The following PTPRG variants were observed in gnomAD, a reference collection of about 807,000 sequenced individuals.
The protein encoded by PTPRG is protein tyrosine phosphatase receptor type G.
A neutral mutation model predicts 165.3 loss-of-function variants in PTPRG; 102 were observed. The ratio of observed to expected loss-of-function variants is 0.62; its 90% confidence interval spans 0.53 to 0.73. The LOEUF (loss-of-function observed/expected upper bound fraction) is 0.73. Ranked by LOEUF, PTPRG falls within the 30% of genes least tolerant of loss-of-function variation. PTPRG has a pLI of 0.00. For missense variants in PTPRG, 1,866 were observed against 1,861.4 expected, an observed-to-expected ratio of 1.00 and a Z score of -0.05; for synonymous variants, 675 against 669.5, an observed-to-expected ratio of 1.01 and a Z score of -0.13.
intron 2 of PTPRG, among the ~76,000 whole-genome samples, chr3:61,891,102 G>A (rs1430863591): frequency 6.6e-6 from 1 of 151,912 alleles, no homozygotes; most frequent in Non-Finnish European, 1.5e-5. Context: ...GGTGGATCAC[G>A]AGGTCAAGAG....
At chr3:62,036,370 C>G (rs1699935716) in intron 4 of PTPRG, among the ~76,000 whole-genome samples, 1 of 152,166 alleles carries the variant, frequency 6.6e-6, no homozygotes, top group Non-Finnish European at 1.5e-5. Flanking sequence ...AAATGCATTC[C>G]TCTTTTTCTT....
intron 6 of PTPRG, among the ~76,000 whole-genome samples, chr3:62,151,393 A>G (rs1704331395): frequency 6.6e-6 from 1 of 152,222 alleles, no homozygotes; most frequent in Non-Finnish European, 1.5e-5. Flanking sequence ...CTTAAAAATG[A>G]AAGAAAGCGT....
intron 7 of PTPRG, among the ~76,000 whole-genome samples, chr3:62,160,129 C>A (rs1434580696): frequency 6.6e-6 from 1 of 152,224 alleles, no homozygotes; most frequent in Non-Finnish European, 1.5e-5. Flanking sequence ...TCTCTCTTTT[C>A]TTCCCTGTCA....
At chr3:62,144,294 TACTC>T (rs1203541617) in intron 6 of PTPRG, among the ~76,000 whole-genome samples, 4 of 152,330 alleles carry the variant, frequency 2.6e-5, no homozygotes, top group Non-Finnish European at 4.4e-5. Context: ...GCAATGTAAA[TACTC>T]ACTCAGGTCA....
At chr3:61,880,439 G>A (rs553261955) in intron 2 of PTPRG, among the ~76,000 whole-genome samples, 2 of 152,102 alleles carry the variant, frequency 1.3e-5, no homozygotes, top group Non-Finnish European at 2.9e-5. Flanking sequence ...GGCCAACAGG[G>A]TGAAACCCCA....
At chr3:61,841,728 G>T (rs181121674) in intron 2 of PTPRG, among the ~76,000 whole-genome samples, 144 of 152,266 alleles carry the variant, frequency 9.5e-4, no homozygotes, top group African/African-American at 3.4e-3. Context: ...GTACTACTGT[G>T]GAATAGTAAA....
At chr3:61,613,033 T>C (rs1701215881) in intron 1 of PTPRG, among the ~76,000 whole-genome samples, 1 of 152,122 alleles carries the variant, frequency 6.6e-6, no homozygotes. Context: ...AAGCCACCAA[T>C]AGCGCAGCAG....
intron 1 of PTPRG, among the ~76,000 whole-genome samples, chr3:61,718,294 G>C (rs531580596): frequency 1.3e-4 from 20 of 149,168 alleles, no homozygotes; most frequent in Non-Finnish European, 2.2e-4. Flanking sequence ...TTAGATCATT[G>C]ACATTGCTTT....
chr3:61,731,982 A>C lies in PTPRG; in HGVS notation c.86-16896A>C, dbSNP rs376730357. ...ATGTCCAGCTAATTTTTGTATTTTC[A>C]ATAGAGACGGGGGAGTTCACCATGT... On this transcript the variant is annotated intron_variant, in intron 1 of 29. Coordinates refer to ENST00000474889, the MANE Select transcript of PTPRG (RefSeq NM_002841.4). 4.6e-5 allele frequency among the ~76,000 whole-genome samples: 7 copies of C among 151,438 alleles called. 1 individual carries two copies. In the East Asian group the frequency reaches 9.9e-4, roughly 21 times the overall value.
At chr3:61,694,889 T>C (rs753561512) in intron 1 of PTPRG, among the ~76,000 whole-genome samples, 1 of 152,180 alleles carries the variant, frequency 6.6e-6, no homozygotes, top group Non-Finnish European at 1.5e-5. Context: ...ACCCTCACTC[T>C]CTCTCATTCA....
intron 2 of PTPRG, among the ~76,000 whole-genome samples, chr3:61,783,242 C>T (rs369550824): frequency 5.9e-5 from 9 of 151,986 alleles, no homozygotes; most frequent in East Asian, 3.9e-4. Flanking sequence ...TGGGAGGCTG[C>T]GGTGGGAGGA....
chr3:61,663,401 A>G (rs1702720188), intron 1 of PTPRG, among the ~76,000 whole-genome samples: 1 of 152,162 alleles, frequency 6.6e-6, no homozygotes, highest in Non-Finnish European at 1.5e-5. Flanking sequence ...CAATCTTTTT[A>G]AGCCTCAATA....
chr3:62,161,503 A>G (rs1312531765), intron 7 of PTPRG, among the ~76,000 whole-genome samples: 3 of 152,348 alleles, frequency 2.0e-5, no homozygotes, highest in African/African-American at 7.2e-5. Context: ...TCTCAAGGCC[A>G]CGACAACTGG....
intron 1 of PTPRG, among the ~76,000 whole-genome samples, chr3:61,663,905 C>A (rs1702736300): frequency 6.6e-6 from 1 of 152,164 alleles, no homozygotes; most frequent in South Asian, 2.1e-4. Flanking sequence ...CCACTCACCT[C>A]CTGTTGTGCA....
At chr3:61,720,703 A>C (rs1385918278) in intron 1 of PTPRG, among the ~76,000 whole-genome samples, 1 of 152,224 alleles carries the variant, frequency 6.6e-6, no homozygotes, top group Non-Finnish European at 1.5e-5. Flanking sequence ...TGGCAGGTGC[A>C]AAGTACACAT....
chr3:61,706,001 C>T (rs986810957), intron 1 of PTPRG, among the ~76,000 whole-genome samples: 3 of 152,174 alleles, frequency 2.0e-5, no homozygotes, highest in African/African-American at 7.2e-5. Context: ...CCCTAAGGGA[C>T]AGTTATGTTG....
intron 2 of PTPRG, among the ~76,000 whole-genome samples, chr3:61,766,952 A>G (rs1465421473): frequency 6.6e-6 from 1 of 151,306 alleles, no homozygotes; most frequent in African/African-American, 2.4e-5. Context: ...TTACTTAGAA[A>G]GTAGAATTAG....
At chr3:62,114,935 C>T (rs925521156) in intron 5 of PTPRG, among the ~76,000 whole-genome samples, 9 of 152,154 alleles carry the variant, frequency 5.9e-5, no homozygotes, top group African/African-American at 2.2e-4. Flanking sequence ...CCACCACACC[C>T]AGCCATAAAA....
intron 1 of PTPRG, among the ~76,000 whole-genome samples, chr3:61,748,338 C>T (rs1056110477): frequency 1.3e-5 from 2 of 152,128 alleles, no homozygotes; most frequent in Admixed American, 6.5e-5. Flanking sequence ...TGACCTGGGG[C>T]CAGTTACTTT....
Sources: allele counts gnomAD v4.1 joint callset (sites outside exome capture counted in the v4.1 genomes callset), GRCh38; gene constraint gnomAD v4.1.1; transcripts MANE v1.5; gene names NCBI Gene and HGNC (gene_info 2026-07-23, HGNC 2026-07-21).